RPGRIP1: variants seen among roughly 807,000 people sequenced by gnomAD.
RPGRIP1 encodes RPGR interacting protein 1, also known as X-linked retinitis pigmentosa GTPase regulator-interacting protein 1.
RPGRIP1 carries 128 observed loss-of-function variants against 157.9 expected under a neutral mutation model. The observed-to-expected ratio is 0.81, with a 90% confidence interval of 0.70 to 0.94. The LOEUF is 0.94. Ranked by LOEUF, RPGRIP1 falls within the 40% of genes least tolerant of loss-of-function variation. RPGRIP1 has a pLI of 0.00. For missense variants in RPGRIP1, 1,486 were observed against 1,545.8 expected, an observed-to-expected ratio of 0.96 and a Z score of 0.65; for synonymous variants, 554 against 571.6, an observed-to-expected ratio of 0.97 and a Z score of 0.44.
chr14:21,300,094 G>A (rs1168978817), intron 3 of RPGRIP1, among the ~76,000 whole-genome samples: 9 of 152,172 alleles, frequency 5.9e-5, no homozygotes, highest in Non-Finnish European at 8.8e-5. Flanking sequence ...TCAGGAGTTC[G>A]AGATCAGCCT....
At chr14:21,309,336 A>AC (rs1881449901) in intron 7 of RPGRIP1, among the ~76,000 whole-genome samples, 1 of 152,020 alleles carries the variant, frequency 6.6e-6, no homozygotes, top group South Asian at 2.1e-4. Context: ...ACATGGCGAA[A>AC]CCCCATCTCT....
intron 17 of RPGRIP1, 27 bp downstream of exon 17, chr14:21,326,200 C>G (rs1883086571): frequency 7.0e-7 from 1 of 1,438,400 alleles, no homozygotes; most frequent in South Asian, 1.3e-5. Context: ...ATTACATCTT[C>G]ACGCCCTCTT....
At chr14:21,332,967 G>C (rs2139279308) in intron 20 of RPGRIP1, among the ~76,000 whole-genome samples, 1 of 152,268 alleles carries the variant, frequency 6.6e-6, no homozygotes, top group South Asian at 2.1e-4. Flanking sequence ...AGCCAGGTGT[G>C]GTGGTGGGTG....
intron 2 of RPGRIP1, among the ~76,000 whole-genome samples, chr14:21,291,818 G>C (rs368307294): frequency 1.8e-4 from 27 of 151,812 alleles, no homozygotes; most frequent in African/African-American, 6.3e-4. Flanking sequence ...TGGAGGCAAC[G>C]GTGCGATCTT....
Position 21,325,912 on chromosome 14 carries a change from G to A in RPGRIP1, c.2449G>A (p.Gly817Arg), listed in dbSNP as rs764884763. ...CTGTGGCCTCCGGAGTCGATGGCTG[G>A]GAACTCAACCCAGTCCATATGCTGT... ...KCCGLRSRWL[G>R]TQPSPYAVYR... The change falls in exon 17 of 25, where the codon GGA becomes AGA. Residue 817 changes from glycine to arginine, a missense_variant. Coordinates refer to ENST00000400017, the MANE Select transcript of RPGRIP1 (RefSeq NM_020366.4). 17 of 1,613,820 alleles carry A rather than the reference G, an allele frequency of 1.1e-5. No individual in the cohort carries two copies. The African/African-American group carries it at 2.3e-4, about 22-fold the overall frequency.
At chr14:21,335,447 T>G (rs1300901660) in intron 21 of RPGRIP1, among the ~76,000 whole-genome samples, 4 of 152,120 alleles carry the variant, frequency 2.6e-5, no homozygotes, top group Non-Finnish European at 5.9e-5. Context: ...TTTCTGCTGT[T>G]TTTTACTCAA....
Position 21,302,578 on chromosome 14 carries a change from G to A in RPGRIP1, c.581G>A (p.Ser194Asn), listed in dbSNP as rs757653708. 5 of 1,554,848 alleles carry A rather than the reference G, an allele frequency of 3.2e-6. No individual in the cohort carries two copies. In the African/African-American group the frequency reaches 4.1e-5, roughly 13 times the overall value. The part of the protein sequence containing the change: ...ENRGEVASKP[S>N]ELVSGSNSII... Reference sequence around the variant, plus strand: ...AGAGGTGAAGTAGCCAGTAAACCCAGTGAACTGTGAGTTCTTCTCATTTAT... The same window carrying A: ...AGAGGTGAAGTAGCCAGTAAACCCAATGAACTGTGAGTTCTTCTCATTTAT... Residue 194 changes from serine to asparagine, a missense_variant, in exon 5 of 25, where the codon AGT (serine) becomes AAT (asparagine). Coordinates refer to ENST00000400017, the MANE Select transcript of RPGRIP1 (RefSeq NM_020366.4).
At chr14:21,313,997 T>C (rs1387076810) in intron 10 of RPGRIP1, among the ~76,000 whole-genome samples, 1 of 150,736 alleles carries the variant, frequency 6.6e-6, no homozygotes, top group Non-Finnish European at 1.5e-5. Flanking sequence ...ACCCAGGCTG[T>C]AGTACAGTGG....
At chr14:21,350,271 C>T (rs145026908) in intron 24 of RPGRIP1, among the ~76,000 whole-genome samples, 2,003 of 151,044 alleles carry the variant, frequency 0.013, 47 homozygotes, top group African/African-American at 0.047. Flanking sequence ...CCCAGCTACT[C>T]GGAAGGATGA....
At chr14:21,322,038 G>A (rs767980260) in intron 14 of RPGRIP1, 34 bp downstream of exon 14, 2 of 1,555,942 alleles carry the variant, frequency 1.3e-6, no homozygotes, top group South Asian at 2.3e-5. Context: ...CTCACTTCGG[G>A]ACCCTTCCAC....
At chr14:21,311,800 A>C (rs780714468) in intron 8 of RPGRIP1, 24 bp from the exon 9 acceptor site, 5 of 1,585,964 alleles carry the variant, frequency 3.2e-6, no homozygotes, top group Non-Finnish European at 4.3e-6. Flanking sequence ...GACCATTCCC[A>C]GAGGTACTTT....
intron 21 of RPGRIP1, among the ~76,000 whole-genome samples, 186 bp from the exon 22 acceptor site, chr14:21,342,850 G>A (rs1277261061): frequency 6.6e-6 from 1 of 152,032 alleles, no homozygotes; most frequent in African/African-American, 2.4e-5. Context: ...ATTAACTATG[G>A]CAATTAAGTC....
At chr14:21,338,996 C>T (rs753121480) in intron 21 of RPGRIP1, among the ~76,000 whole-genome samples, 34 of 151,846 alleles carry the variant, frequency 2.2e-4, no homozygotes, top group South Asian at 2.1e-4. Context: ...ATTAGCCGGG[C>T]GTGATGACGG....
intron 1 of RPGRIP1, among the ~76,000 whole-genome samples, chr14:21,282,966 G>A (rs771017286): frequency 3.3e-5 from 5 of 152,026 alleles, no homozygotes; most frequent in Non-Finnish European, 5.9e-5. Context: ...TGTTCAACAC[G>A]CCTTCACTGA....
chr14:21,319,175 T>C (rs1394718738), intron 11 of RPGRIP1, among the ~76,000 whole-genome samples: 1 of 152,186 alleles, frequency 6.6e-6, no homozygotes, highest in South Asian at 2.1e-4. Flanking sequence ...TGAAGTCTTG[T>C]AAGGACCTTC....
chr14:21,310,897 C>A (rs764224388), intron 8 of RPGRIP1: 1 of 623,382 alleles, frequency 1.6e-6, no homozygotes, highest in Non-Finnish European at 3.0e-6. Context: ...TCAAAACTTC[C>A]TAAGAGTATT....
At chr14:21,296,951 TAAAAA>T (rs34451423) in intron 3 of RPGRIP1, among the ~76,000 whole-genome samples, 2 of 116,072 alleles carry the variant, frequency 1.7e-5, no homozygotes. Flanking sequence ...AGACTCCATC[TAAAAA>T]AAAAAAAAAA....
chr14:21,350,388 A>AC (rs1292501812), intron 24 of RPGRIP1, among the ~76,000 whole-genome samples: 6 of 72,476 alleles, frequency 8.3e-5, no homozygotes, highest in African/African-American at 1.8e-4. Context: ...AAAAAAAAAA[A>AC]AAAAAAAAGA....
At chr14:21,343,304 T>C in intron 22 of RPGRIP1, 76 bp downstream of exon 22, 1 of 1,162,992 alleles carries the variant, frequency 8.6e-7, no homozygotes, top group Non-Finnish European at 1.2e-6. Context: ...TTACTCTGGA[T>C]TTTTGTGGGG....
Sources: gnomAD v4.1 joint callset for allele counts (sites outside exome capture counted in the v4.1 genomes callset) on GRCh38, gnomAD v4.1.1 for gene constraint, MANE v1.5 for transcripts, NCBI Gene and HGNC (gene_info 2026-07-23, HGNC 2026-07-21) for gene names.